Variants in HMGCLL1 observed in about 807,000 individuals in gnomAD.
The protein encoded by HMGCLL1 is 3-hydroxymethyl-3-methylglutaryl-CoA lyase, cytoplasmic.
A neutral mutation model predicts 39.1 loss-of-function variants in HMGCLL1; 36 were observed. The observed-to-expected ratio is 0.92, with a 90% CI of 0.71 to 1.22. The LOEUF (loss-of-function observed/expected upper bound fraction) is 1.22. Ranked by LOEUF, HMGCLL1 falls within the 50% of genes most tolerant of loss-of-function variation. The pLI, the probability that HMGCLL1 is intolerant of heterozygous loss-of-function variation, is 0.00. For synonymous variants in HMGCLL1, 149 were observed against 144.0 expected (o/e 1.03, Z -0.25); for missense variants, 451 against 416.5 (o/e 1.08, Z -0.72).
chr6:55,647,230 T>C, the HMGCLL1 span, among the ~76,000 whole-genome samples: 1 of 152,018 alleles, frequency 6.6e-6, no homozygotes, highest in Non-Finnish European at 1.5e-5. Context: ...CCTGCCCTTT[T>C]TGGTTTCCAT....
intron 1 of HMGCLL1, among the ~76,000 whole-genome samples, chr6:55,542,824 TG>T (rs1769535788): frequency 7.1e-6 from 1 of 140,434 alleles, no homozygotes; most frequent in Non-Finnish European, 1.5e-5. Context: ...TACATATATA[TG>T]TAATATATAT....
chr6:55,638,084 A>G, the HMGCLL1 span, among the ~76,000 whole-genome samples: 1 of 152,084 alleles, frequency 6.6e-6, no homozygotes, highest in African/African-American at 2.4e-5. Context: ...ATAATAAACC[A>G]AACTGGCAGA....
chr6:55,577,218 G>T (rs771173124), intron 1 of HMGCLL1: 2 of 1,525,702 alleles, frequency 1.3e-6, no homozygotes, highest in Non-Finnish European at 1.8e-6. Context: ...GTGCTGCTGT[G>T]AGTTCAATTA....
the HMGCLL1 span, among the ~76,000 whole-genome samples, chr6:55,671,975 T>C: frequency 6.6e-6 from 1 of 151,706 alleles, no homozygotes; most frequent in African/African-American, 2.4e-5. Context: ...TGGATATGTA[T>C]TTGTGTGTTC....
the HMGCLL1 span, among the ~76,000 whole-genome samples, chr6:55,590,291 A>T: frequency 1.3e-5 from 2 of 151,276 alleles, no homozygotes; most frequent in Non-Finnish European, 3.0e-5. Context: ...TAATAAAAAA[A>T]AAATGGGGAA....
chr6:55,576,261 T>C (rs1771755478), intron 1 of HMGCLL1, among the ~76,000 whole-genome samples: 1 of 152,166 alleles, frequency 6.6e-6, no homozygotes. Context: ...TAATTAGAAG[T>C]TAATTTGTTG....
At chr6:55,506,020 A>G (rs1474426327) in intron 5 of HMGCLL1, among the ~76,000 whole-genome samples, 1 of 151,684 alleles carries the variant, frequency 6.6e-6, no homozygotes, top group African/African-American at 2.4e-5. Flanking sequence ...TAGGTTGCAG[A>G]ATACAAATAG....
the HMGCLL1 span, among the ~76,000 whole-genome samples, chr6:55,629,339 A>T: frequency 1.3e-5 from 2 of 152,130 alleles, no homozygotes; most frequent in African/African-American, 2.4e-5. Flanking sequence ...CTTGAGAGAG[A>T]TGATTTAGTA....
chr6:55,471,739 A>G (rs1765056492), intron 7 of HMGCLL1, among the ~76,000 whole-genome samples: 3 of 151,598 alleles, frequency 2.0e-5, no homozygotes, highest in East Asian at 1.9e-4. Context: ...AGCACAAATC[A>G]TAAGTATACA....
At chr6:55,632,650 AT>A in the HMGCLL1 span, among the ~76,000 whole-genome samples, 998 of 152,086 alleles carry the variant, frequency 6.6e-3, 17 homozygotes, top group African/African-American at 0.022. Flanking sequence ...GGGCCTACTT[AT>A]TATATCAATT....
intron 7 of HMGCLL1, among the ~76,000 whole-genome samples, chr6:55,490,265 G>A (rs1766242601): frequency 2.0e-5 from 3 of 152,054 alleles, no homozygotes; most frequent in Non-Finnish European, 2.9e-5. Context: ...ATTATTCCCT[G>A]TGCCTACCCT....
intron 1 of HMGCLL1, among the ~76,000 whole-genome samples, chr6:55,552,610 C>A (rs1335395175): frequency 1.3e-5 from 2 of 151,936 alleles, no homozygotes; most frequent in East Asian, 3.9e-4. Context: ...GACCATTATA[C>A]AAATAATAGG....
At chr6:55,553,203 A>ATG in intron 1 of HMGCLL1, among the ~76,000 whole-genome samples, 2 of 59,340 alleles carry the variant, frequency 3.4e-5, no homozygotes. Context: ...ACACACACAC[A>ATG]TACACACACA....
chr6:55,517,398 T>G (rs1418828436), intron 3 of HMGCLL1, among the ~76,000 whole-genome samples: 1 of 151,992 alleles, frequency 6.6e-6, no homozygotes, highest in African/African-American at 2.4e-5. Context: ...CTTACATATT[T>G]AAAAATAATA....
At position 55,435,346 on chromosome 6, in the gene HMGCLL1, T is replaced by C. The variant is rs1208450221; in HGVS notation, c.*316A>G. Reference sequence around the variant, plus strand: ...GATTAAGTATTAACACAGTATTTGATACTTGGGGAAATACGAAGTCAATTT... The same window carrying C: ...GATTAAGTATTAACACAGTATTTGACACTTGGGGAAATACGAAGTCAATTT... On this transcript the variant is annotated 3_prime_UTR_variant, in exon 9 of 9. Transcript: ENST00000274901. 2.4e-5 allele frequency: 5 copies of C among 212,298 alleles called. No individual in the cohort carries two copies. The highest frequency in any genetic ancestry group is 3.8e-5 in the Non-Finnish European group (4 of 103,972). The allele number at this position is 212,298 out of a possible 1,614,324, so 13.2% of individuals were successfully genotyped here.
the HMGCLL1 span, among the ~76,000 whole-genome samples, chr6:55,587,524 T>C: frequency 8.5e-5 from 13 of 152,232 alleles, no homozygotes; most frequent in South Asian, 1.7e-3. Context: ...GCTTACATCA[T>C]AATGACAAGA....
At chr6:55,620,280 A>T in the HMGCLL1 span, among the ~76,000 whole-genome samples, 1 of 152,128 alleles carries the variant, frequency 6.6e-6, no homozygotes, top group East Asian at 1.9e-4. Context: ...ACTCTTCTCC[A>T]CAGTGGCTGT....
At chr6:55,536,640 T>C (rs1769044126) in intron 3 of HMGCLL1, among the ~76,000 whole-genome samples, 1 of 142,644 alleles carries the variant, frequency 7.0e-6, no homozygotes, top group African/African-American at 2.6e-5. Flanking sequence ...TGTTCTTATA[T>C]TTCATGTCAC....
At chr6:55,601,575 A>T in the HMGCLL1 span, among the ~76,000 whole-genome samples, 1 of 152,180 alleles carries the variant, frequency 6.6e-6, no homozygotes, top group Non-Finnish European at 1.5e-5. Context: ...TGCAAAGGGC[A>T]TAAATATATA....
Sources: allele counts gnomAD v4.1 joint callset (sites outside exome capture counted in the v4.1 genomes callset), GRCh38; gene constraint gnomAD v4.1.1; transcripts MANE v1.5; gene names NCBI Gene and HGNC (gene_info 2026-07-23, HGNC 2026-07-21).